RELB: variants seen among roughly 807,000 people sequenced by gnomAD.
RELB encodes transcription factor RelB.
Under a neutral mutation model 55.4 loss-of-function variants are expected in RELB, and 14 were observed. The observed-to-expected ratio is 0.25, with a 90% confidence interval of 0.17 to 0.40. The LOEUF (loss-of-function observed/expected upper bound fraction) is 0.40. Ranked by LOEUF, RELB falls within the 10% of genes least tolerant of loss-of-function variation. The pLI, the probability that RELB is intolerant of heterozygous loss-of-function variation, is 1.00. For synonymous variants in RELB, 409 were observed against 371.3 expected, an observed-to-expected ratio of 1.10 and a Z score of -1.17; for missense variants, 669 against 830.7, an observed-to-expected ratio of 0.81 and a Z score of 2.39.
At chr19:45,013,555 G>A (rs1971387352) in intron 4 of RELB, among the ~76,000 whole-genome samples, 2 of 152,062 alleles carry the variant, frequency 1.3e-5, no homozygotes, top group African/African-American at 4.8e-5. Context: ...TTCTGAAGCT[G>A]GTCGTGGTGG....
intron 2 of RELB, chr19:45,008,633 G>C (rs1441414563): frequency 2.3e-6 from 1 of 430,634 alleles, no homozygotes; most frequent in African/African-American, 2.0e-5. Flanking sequence ...GATAAGGGGT[G>C]CAGGAAAACT....
rs920883010 is a variant in RELB, at chr19:45,033,856, TAA to T, written c.1208-375_1208-374del. On this transcript the variant is annotated intron_variant, in intron 9 of 11. Transcript: ENST00000221452. ...CCACGCCCAGCCAAGACTCCATCTT[TAA>T]AAAAAAAAAAAATAGGCCTGGCACA... 5.5e-4 allele frequency among the ~76,000 whole-genome samples: 77 copies of T among 139,870 alleles called. 1 individual carries two copies. Among genetic ancestry groups the T allele is most frequent in the African/African-American group, 1.7e-3 (65 of 38,652 alleles). 91.8% of individuals were successfully genotyped at this position (139,870 alleles called of 152,430 possible).
In RELB at chr19:45,024,935, C is replaced by T. The variant is rs550101404; in HGVS notation, c.663-394C>T. Among the ~76,000 whole-genome samples, 18 of 152,234 alleles carry T rather than the reference C, an allele frequency of 1.2e-4. No homozygotes were observed. In the South Asian group the frequency reaches 3.5e-3, roughly 30 times the overall value. On this transcript the variant is annotated intron_variant, in intron 5 of 11. Transcript: ENST00000221452. ...AGTGCAGTGGCACAATCTCGGCTCA[C>T]TGCAACCTCTGCCTCCCGGGTTCAA...
rs752194268 is a variant in RELB at position 45,037,822 on chromosome 19, G to A, written c.*32G>A. The A allele has an allele frequency of 4.8e-5, 71 of 1,472,534 alleles. No homozygotes were observed. The highest frequency in any genetic ancestry group is 6.0e-5 in the Non-Finnish European group (67 of 1,116,652). 91.2% of individuals were successfully genotyped at this position (1,472,534 alleles called of 1,614,324 possible). On this transcript the variant is annotated 3_prime_UTR_variant, in exon 12 of 12. Transcript: ENST00000221452. Reference sequence around the variant, plus strand: ...GATGCCAGAGGAGGGGCACTGGGTGGGGAGGGAGGTGGAGGAGCCGTGCAA... The same window carrying A: ...GATGCCAGAGGAGGGGCACTGGGTGAGGAGGGAGGTGGAGGAGCCGTGCAA...
At chr19:45,005,271 A>G (rs758453234) in intron 2 of RELB, among the ~76,000 whole-genome samples, 2 of 152,226 alleles carry the variant, frequency 1.3e-5, no homozygotes, top group Non-Finnish European at 2.9e-5. Context: ...CAAGCTCCCA[A>G]GAGATGCCTA....
intron 2 of RELB, chr19:45,008,454 C>A: frequency 2.2e-6 from 1 of 456,172 alleles, no homozygotes; most frequent in Non-Finnish European, 4.4e-6. Flanking sequence ...CTTTGGGTCC[C>A]CAGGTTCATC....
chr19:45,025,259 C>A, intron 5 of RELB, 70 bp from the exon 6 acceptor site: 1 of 1,053,386 alleles, frequency 9.5e-7, no homozygotes, highest in African/African-American at 1.6e-5. Flanking sequence ...TCTGCCAGAG[C>A]CCTCCTGCAG....
chr19:45,029,409 C>T (rs562711235), intron 8 of RELB, among the ~76,000 whole-genome samples: 1 of 152,144 alleles, frequency 6.6e-6, no homozygotes, highest in South Asian at 2.1e-4. Flanking sequence ...CTTCCTCAAA[C>T]AGGCTTTTAA....
At chr19:45,005,795 G>A (rs950214993) in intron 2 of RELB, among the ~76,000 whole-genome samples, 2 of 152,170 alleles carry the variant, frequency 1.3e-5, no homozygotes, top group African/African-American at 4.8e-5. Context: ...GTAGAGACGG[G>A]GTTTTGCCAT....
chr19:45,034,966 A>G (rs1373628428), intron 11 of RELB, among the ~76,000 whole-genome samples: 1 of 151,216 alleles, frequency 6.6e-6, no homozygotes, highest in Non-Finnish European at 1.5e-5. Flanking sequence ...TCAGGCTCCC[A>G]AGTAGCTGGG....
chr19:45,037,239 G>A (rs1432559927), intron 11 of RELB, among the ~76,000 whole-genome samples, 166 bp from the exon 12 acceptor site: 1 of 150,186 alleles, frequency 6.7e-6, no homozygotes, highest in Non-Finnish European at 1.5e-5. Flanking sequence ...CCAAGAGCAC[G>A]TCATTGCACT....
At chr19:45,023,165 C>T (rs912720721) in intron 5 of RELB, among the ~76,000 whole-genome samples, 31 of 152,026 alleles carry the variant, frequency 2.0e-4, no homozygotes, top group African/African-American at 6.3e-4. Flanking sequence ...TGCTGTATTC[C>T]GAGTGTCTGG....
chr19:45,006,951 A>T (rs1389785863), intron 2 of RELB, among the ~76,000 whole-genome samples: 1 of 148,772 alleles, frequency 6.7e-6, no homozygotes, highest in African/African-American at 2.5e-5. Flanking sequence ...GCAAAACTCC[A>T]TCTGAAAAAA....
At chr19:45,018,780 G>T (rs1459063197) in intron 4 of RELB, among the ~76,000 whole-genome samples, 1 of 150,978 alleles carries the variant, frequency 6.6e-6, no homozygotes, top group Non-Finnish European at 1.5e-5. Flanking sequence ...AGGTTCAAGC[G>T]ATTCTCCTGC....
chr19:45,029,257 C>G (rs1289699946), intron 8 of RELB, among the ~76,000 whole-genome samples: 1 of 152,200 alleles, frequency 6.6e-6, no homozygotes, highest in East Asian at 1.9e-4. Context: ...CATCACAGAG[C>G]TCACGACATG....
Position 45,037,772 on chromosome 19 carries a change from G to T in RELB, c.1722G>T (p.Pro574=). The T allele has an allele frequency of 6.7e-7, 1 of 1,486,464 alleles. No homozygotes were observed. The allele number at this position is 1,486,464 out of a possible 1,614,324, so 92.1% of individuals were successfully genotyped here. A position where few individuals can be genotyped will look rare whatever the true frequency, so the allele number is the denominator to read the frequency against. ...EAAFGGGLLS[P]GPEAT Reference sequence around the variant, plus strand: ...CCTTTGGGGGCGGCCTCCTATCCCCGGGGCCTGAAGCCACGTAGCCCCGCG... The same window carrying T: ...CCTTTGGGGGCGGCCTCCTATCCCCTGGGCCTGAAGCCACGTAGCCCCGCG... Residue 574 remains proline, a synonymous_variant, in exon 12 of 12, where the codon CCG becomes CCT. Coordinates refer to ENST00000221452, the MANE Select transcript of RELB (RefSeq NM_006509.4).
At chr19:45,034,840 TTC>T (rs1217550083) in intron 11 of RELB, among the ~76,000 whole-genome samples, 2 of 151,662 alleles carry the variant, frequency 1.3e-5, no homozygotes, top group Admixed American at 1.3e-4. Context: ...TATTTCTTCT[TTC>T]TTTTTTTTTT....
intron 11 of RELB, among the ~76,000 whole-genome samples, chr19:45,035,375 CGA>C (rs915025757): frequency 1.3e-5 from 2 of 151,508 alleles, no homozygotes; most frequent in African/African-American, 4.9e-5. Flanking sequence ...AAAAATTAGC[CGA>C]GTGTGGTGGT....
chr19:45,012,395 A>G, intron 4 of RELB, 119 bp downstream of exon 4: 1 of 604,300 alleles, frequency 1.7e-6, no homozygotes, highest in South Asian at 4.2e-5. Context: ...GTTGGACCAG[A>G]TATTAATTAT....
Sources: gnomAD v4.1 joint callset for allele counts (sites outside exome capture counted in the v4.1 genomes callset) on GRCh38, gnomAD v4.1.1 for gene constraint, MANE v1.5 for transcripts, NCBI Gene and HGNC (gene_info 2026-07-23, HGNC 2026-07-21) for gene names.